Variants in RIMKLB observed in about 807,000 individuals in gnomAD.
RIMKLB encodes ribosomal modification protein rimK like family member B, also known as beta-citrylglutamate synthase B.
In RIMKLB, 7 loss-of-function variants were observed where a neutral mutation model predicts 32.0. The observed-to-expected ratio is 0.22, with a 90% CI of 0.12 to 0.41. The LOEUF (loss-of-function observed/expected upper bound fraction) is 0.41. Among genes scored for constraint, RIMKLB ranks in the 10% least tolerant of loss-of-function variants. The pLI is 1.00. For missense variants in RIMKLB, 289 were observed against 498.7 expected (o/e 0.58, Z 4.00); for synonymous variants, 172 against 185.1 (o/e 0.93, Z 0.57).
At chr12:8,771,343 A>G (rs1403405372) in intron 5 of RIMKLB, among the ~76,000 whole-genome samples, 1 of 152,102 alleles carries the variant, frequency 6.6e-6, no homozygotes, top group Non-Finnish European at 1.5e-5. Context: ...GAAAGATTAG[A>G]GTCCTGCTGT....
chr12:8,698,146 T>A lies in RIMKLB; in HGVS notation c.-208T>A. ...CCCGGCCAGCCTGCGGGAGCCGCAG[T>A]CGGCGGAGGAGAAAGGAGGCGGCTC... On this transcript the variant is annotated 5_prime_UTR_variant, in exon 1 of 6. Transcript: ENST00000535829. 2 of 288,902 alleles carry A rather than the reference T, an allele frequency of 6.9e-6. No individual in the cohort carries two copies. Among genetic ancestry groups the A allele is most frequent in the Non-Finnish European group, 1.4e-5 (2 of 142,894 alleles). 17.9% of individuals were successfully genotyped at this position (288,902 alleles called of 1,614,324 possible).
rs776713476 is a variant in RIMKLB, at chr12:8,701,403, ATTTTTAATGTTTTCTT to A, written c.-57+3110_-57+3125del. On this transcript the variant is annotated intron_variant, in intron 1 of 5. Coordinates refer to ENST00000535829, the MANE Select transcript of RIMKLB (RefSeq NM_001297776.2). ...TCATGGTAACTAATGCCATGGTGTT[ATTTTTAATGTTTTCTT>A]TTTCAGTGTTTTTTTTTTCCCCTCT... Among the ~76,000 whole-genome samples the A allele has an allele frequency of 5.3e-5, 8 of 151,810 alleles. No homozygotes were observed. The South Asian group carries it at 1.2e-3, about 24-fold the overall frequency.
chr12:8,751,074 G>A (rs757706740), intron 3 of RIMKLB, among the ~76,000 whole-genome samples: 6 of 152,146 alleles, frequency 3.9e-5, no homozygotes, highest in Non-Finnish European at 5.9e-5. Context: ...TTTAGCAATT[G>A]CATAAGAAGA....
the RIMKLB span, among the ~76,000 whole-genome samples, chr12:8,669,983 C>T: frequency 1.1e-4 from 16 of 145,198 alleles, no homozygotes; most frequent in African/African-American, 3.4e-4. Flanking sequence ...GCCAAGATCA[C>T]GCCACTGCAC....
At chr12:8,682,961 TC>T (rs1358210626) in intron 1 of RIMKLB, among the ~76,000 whole-genome samples, 1 of 151,966 alleles carries the variant, frequency 6.6e-6, no homozygotes, top group African/African-American at 2.4e-5. Context: ...TTTTAACATC[TC>T]CATAGTTTTG....
chr12:8,718,062 A>T (rs773590456), intron 2 of RIMKLB, among the ~76,000 whole-genome samples: 2 of 152,200 alleles, frequency 1.3e-5, no homozygotes, highest in South Asian at 4.2e-4. Flanking sequence ...AATTAAAACC[A>T]TCTCCCGGTA....
At chr12:8,685,970 G>C (rs913430476) in intron 1 of RIMKLB, among the ~76,000 whole-genome samples, 2 of 152,066 alleles carry the variant, frequency 1.3e-5, no homozygotes, top group Non-Finnish European at 2.9e-5. Flanking sequence ...ACCACGCCCG[G>C]CTAATTTTTG....
intron 3 of RIMKLB, among the ~76,000 whole-genome samples, chr12:8,750,955 T>C (rs1948574143): frequency 1.3e-5 from 2 of 152,202 alleles, no homozygotes; most frequent in African/African-American, 4.8e-5. Flanking sequence ...CATGAGGCTT[T>C]ACAAAGGAAC....
chr12:8,705,001 A>ACACACACACACACACACACACACACACAC, intron 1 of RIMKLB, among the ~76,000 whole-genome samples: 1 of 140,510 alleles, frequency 7.1e-6, no homozygotes, highest in African/African-American at 2.9e-5. Context: ...CACACACACA[A>ACACACACACACACACACACACACACACAC]AACCCCAAAC....
chr12:8,677,590 C>T (rs1942350686), upstream of RIMKLB, among the ~76,000 whole-genome samples: 1 of 152,166 alleles, frequency 6.6e-6, no homozygotes, highest in South Asian at 2.1e-4. Flanking sequence ...CTCTTTAGCA[C>T]TAATCTGATT....
chr12:8,726,145 G>T (rs1398518453), intron 2 of RIMKLB, among the ~76,000 whole-genome samples: 1 of 152,204 alleles, frequency 6.6e-6, no homozygotes, highest in African/African-American at 2.4e-5. Context: ...ACTGTGCCCG[G>T]CCCAGGTTGT....
intron 2 of RIMKLB, among the ~76,000 whole-genome samples, chr12:8,719,324 A>G (rs1312297637): frequency 6.6e-6 from 1 of 152,104 alleles, no homozygotes; most frequent in Non-Finnish European, 1.5e-5. Context: ...CCTTGCTTCT[A>G]ATTCTAAGCC....
chr12:8,712,257 T>G (rs1488732201), intron 1 of RIMKLB, among the ~76,000 whole-genome samples: 5 of 151,888 alleles, frequency 3.3e-5, no homozygotes, highest in East Asian at 1.9e-4. Flanking sequence ...ACTGCAACCT[T>G]TCCGCCTTCT....
At chr12:8,756,974 G>A (rs764769631) in intron 5 of RIMKLB, among the ~76,000 whole-genome samples, 2 of 152,002 alleles carry the variant, frequency 1.3e-5, no homozygotes, top group East Asian at 1.9e-4. Flanking sequence ...GTGAGCCACC[G>A]TGCCCAGCCT....
intron 2 of RIMKLB, among the ~76,000 whole-genome samples, chr12:8,732,772 C>T (rs1946668308): frequency 1.3e-5 from 2 of 151,800 alleles, no homozygotes; most frequent in South Asian, 2.1e-4. Flanking sequence ...CACACACACA[C>T]ACACACACAC....
intron 1 of RIMKLB, among the ~76,000 whole-genome samples, chr12:8,706,501 A>G (rs1357159955): frequency 2.1e-5 from 3 of 141,982 alleles, no homozygotes; most frequent in African/African-American, 8.1e-5. Flanking sequence ...CCCAGGCTGG[A>G]GTGCAATGGC....
chr12:8,718,651 C>A (rs1047612501), intron 2 of RIMKLB, among the ~76,000 whole-genome samples: 7 of 98,392 alleles, frequency 7.1e-5, no homozygotes, highest in Non-Finnish European at 1.3e-4. Flanking sequence ...CTCTCTCTCT[C>A]TCTATATATA....
At chr12:8,762,527 C>T (rs1291532295) in intron 5 of RIMKLB, among the ~76,000 whole-genome samples, 1 of 152,148 alleles carries the variant, frequency 6.6e-6, no homozygotes, top group Non-Finnish European at 1.5e-5. Context: ...ACTGCCACCT[C>T]TTTAGGTTTC....
chr12:8,734,366 C>T (rs1946813101), intron 2 of RIMKLB, among the ~76,000 whole-genome samples: 1 of 152,112 alleles, frequency 6.6e-6, no homozygotes, highest in South Asian at 2.1e-4. Context: ...GCTAGTTTAC[C>T]TGAAAGGTAT....
Sources: gnomAD v4.1 joint callset for allele counts (sites outside exome capture counted in the v4.1 genomes callset) on GRCh38, gnomAD v4.1.1 for gene constraint, MANE v1.5 for transcripts, NCBI Gene and HGNC (gene_info 2026-07-23, HGNC 2026-07-21) for gene names.